MNAT1: variants seen among roughly 807,000 people sequenced by gnomAD.
MNAT1 encodes CDK-activating kinase assembly factor MAT1.
In MNAT1, 43 loss-of-function variants were observed where a neutral mutation model predicts 42.0. That is an observed-to-expected ratio of 1.02 (90% CI 0.80 to 1.32). The LOEUF is 1.32. Ranked by LOEUF, MNAT1 falls within the 40% of genes most tolerant of loss-of-function variation. MNAT1 has a pLI of 0.00. For missense variants in MNAT1, 306 were observed against 350.4 expected, an observed-to-expected ratio of 0.87 and a Z score of 1.01; for synonymous variants, 118 against 120.0, an observed-to-expected ratio of 0.98 and a Z score of 0.11.
At chr14:60,961,440 C>T (rs1213160855) in intron 7 of MNAT1, among the ~76,000 whole-genome samples, 1 of 152,156 alleles carries the variant, frequency 6.6e-6, no homozygotes, top group African/African-American at 2.4e-5. Flanking sequence ...TCTCCTTACT[C>T]CTTCATATAT....
At chr14:60,912,145 C>T (rs1276885711) in intron 7 of MNAT1, among the ~76,000 whole-genome samples, 3 of 152,022 alleles carry the variant, frequency 2.0e-5, no homozygotes, top group Admixed American at 6.5e-5. Flanking sequence ...GATTGCAACC[C>T]CTGCCTTTTT....
At chr14:60,901,983 A>G (rs1288163331) in intron 7 of MNAT1, among the ~76,000 whole-genome samples, 1 of 152,240 alleles carries the variant, frequency 6.6e-6, no homozygotes, top group African/African-American at 2.4e-5. Flanking sequence ...GTTCTGCTGT[A>G]AGTAAAATGC....
At chr14:60,769,660 A>AT (rs1566758717) in intron 1 of MNAT1, among the ~76,000 whole-genome samples, 1 of 151,878 alleles carries the variant, frequency 6.6e-6, no homozygotes, top group Non-Finnish European at 1.5e-5. Context: ...TAAAAAAAAA[A>AT]TTTGTTTTTT....
chr14:60,878,602 A>G (rs532211266), intron 6 of MNAT1, among the ~76,000 whole-genome samples: 1 of 152,204 alleles, frequency 6.6e-6, no homozygotes, highest in Non-Finnish European at 1.5e-5. Context: ...AGCAGATGGT[A>G]TTGTATTTTG....
intron 1 of MNAT1, chr14:60,780,523 C>T: frequency 6.5e-7 from 1 of 1,533,034 alleles, no homozygotes; most frequent in Non-Finnish European, 9.0e-7. Context: ...AGGAAGTCTG[C>T]CTTTGTTCAT....
intron 7 of MNAT1, among the ~76,000 whole-genome samples, chr14:60,890,199 G>T (rs921845837): frequency 2.6e-5 from 4 of 152,170 alleles, no homozygotes; most frequent in Non-Finnish European, 5.9e-5. Context: ...TTGGAACCAA[G>T]CCAAATGTCC....
At chr14:60,956,729 G>T (rs190236817) in intron 7 of MNAT1, among the ~76,000 whole-genome samples, 3 of 152,172 alleles carry the variant, frequency 2.0e-5, no homozygotes, top group Admixed American at 1.3e-4. Flanking sequence ...TTGATTAATT[G>T]ATCCTTTTAT....
intron 1 of MNAT1, among the ~76,000 whole-genome samples, chr14:60,743,842 G>A (rs1012042934): frequency 6.6e-6 from 1 of 151,966 alleles, no homozygotes; most frequent in African/African-American, 2.4e-5. Context: ...TCTATCTTCA[G>A]GTTCACTGTT....
At position 60,847,845 on chromosome 14, in the gene MNAT1, A is replaced by G. The variant is rs138270570; in HGVS notation, c.687+28998A>G. ...AGAATATTTAATTCTGTATAGCTTCATTCCTTTTCCTCTCCTGGAGAGTGC... is the reference window on the plus strand; with the variant it reads ...AGAATATTTAATTCTGTATAGCTTCGTTCCTTTTCCTCTCCTGGAGAGTGC... On this transcript the variant is annotated intron_variant, in intron 6 of 7. Coordinates refer to ENST00000261245, the MANE Select transcript of MNAT1 (RefSeq NM_002431.4). Among the ~76,000 whole-genome samples the G allele has an allele frequency of 5.6e-3, 858 of 152,268 alleles. 8 individuals carry two copies. The highest frequency in any genetic ancestry group is 9.7e-3 in the Non-Finnish European group (661 of 68,006).
At chr14:60,742,352 T>G (rs1475030417) in intron 1 of MNAT1, among the ~76,000 whole-genome samples, 1 of 152,168 alleles carries the variant, frequency 6.6e-6, no homozygotes, top group African/African-American at 2.4e-5. Flanking sequence ...CCTCCCAAAG[T>G]TCTGGGATTA....
intron 6 of MNAT1, among the ~76,000 whole-genome samples, chr14:60,835,648 T>C (rs566841541): frequency 6.6e-6 from 1 of 152,358 alleles, no homozygotes; most frequent in East Asian, 1.9e-4. Context: ...CTGACCTTTC[T>C]TTCTGGCTGC....
At chr14:60,866,107 A>T (rs1279575937) in intron 6 of MNAT1, among the ~76,000 whole-genome samples, 1 of 152,140 alleles carries the variant, frequency 6.6e-6, no homozygotes, top group Non-Finnish European at 1.5e-5. Flanking sequence ...AGTAGCAAAA[A>T]TGCCTCTCTT....
chr14:60,961,258 G>C (rs370641887), intron 7 of MNAT1, among the ~76,000 whole-genome samples: 1 of 152,164 alleles, frequency 6.6e-6, no homozygotes, highest in Non-Finnish European at 1.5e-5. Flanking sequence ...CACCGCGCCC[G>C]GCCATCAGCT....
intron 1 of MNAT1, among the ~76,000 whole-genome samples, chr14:60,772,648 TATTTA>T (rs2031101968): frequency 6.6e-6 from 1 of 151,144 alleles, no homozygotes; most frequent in African/African-American, 2.4e-5. Flanking sequence ...CAAAATCAGA[TATTTA>T]GATTAGAAAC....
At chr14:60,963,899 C>G (rs1422129808) in intron 7 of MNAT1, among the ~76,000 whole-genome samples, 1 of 152,120 alleles carries the variant, frequency 6.6e-6, no homozygotes, top group Non-Finnish European at 1.5e-5. Context: ...TTGTCACAAA[C>G]ATATTATGAC....
At chr14:60,786,670 G>A (rs1232165108) in intron 1 of MNAT1, among the ~76,000 whole-genome samples, 1 of 152,126 alleles carries the variant, frequency 6.6e-6, no homozygotes, top group Non-Finnish European at 1.5e-5. Flanking sequence ...AATTTTGTGA[G>A]ATGAGTAGCA....
intron 7 of MNAT1, among the ~76,000 whole-genome samples, chr14:60,912,256 G>A (rs1441286115): frequency 6.6e-6 from 1 of 152,064 alleles, no homozygotes; most frequent in Non-Finnish European, 1.5e-5. Flanking sequence ...GCACACTGAT[G>A]GGTCTTGACT....
rs375720523 is a variant in MNAT1, at chr14:60,889,393, G to A, written c.809+9558G>A. On this transcript the variant is annotated intron_variant, in intron 7 of 7. Coordinates refer to ENST00000261245, the MANE Select transcript of MNAT1 (RefSeq NM_002431.4). The stretch of plus-strand genomic sequence containing the variant: ...TAAATGGTGCTGGGAAAACTGGCTA[G>A]CCATATGTAGAAAGCTGAAACTGGA... Among the ~76,000 whole-genome samples, 604 of 152,148 alleles carry A rather than the reference G, an allele frequency of 4.0e-3. 2 individuals are homozygous for A. Among genetic ancestry groups the A allele is most frequent in the Admixed American group, 7.6e-3 (116 of 15,276 alleles).
At chr14:60,848,108 C>A (rs968366407) in intron 6 of MNAT1, among the ~76,000 whole-genome samples, 15 of 152,152 alleles carry the variant, frequency 9.9e-5, no homozygotes, top group Admixed American at 2.6e-4. Context: ...ACTATTTTTA[C>A]AGATTCCTCA....
Sources: gnomAD v4.1 joint callset for allele counts (sites outside exome capture counted in the v4.1 genomes callset) on GRCh38, gnomAD v4.1.1 for gene constraint, MANE v1.5 for transcripts, NCBI Gene and HGNC (gene_info 2026-07-23, HGNC 2026-07-21) for gene names.